FANCI: variants seen among roughly 807,000 people sequenced by gnomAD.
FANCI encodes Fanconi anemia group I protein.
A neutral mutation model predicts 176.1 loss-of-function variants in FANCI; 156 were observed. The ratio of observed to expected loss-of-function variants is 0.89; its 90% CI spans 0.78 to 1.01. FANCI has a LOEUF of 1.01. FANCI is among the 50% of genes least tolerant of loss of function. The probability of loss-of-function intolerance (pLI) is 0.00; values close to 1 mark genes in which losing one functional copy is unlikely to be tolerated. For missense variants in FANCI, 1,678 were observed against 1,534.1 expected (o/e 1.09, Z -1.57); for synonymous variants, 613 against 541.7 (o/e 1.13, Z -1.83).
chr15:89,263,514 G>A, intron 7 of FANCI, 54 bp downstream of exon 7: 2 of 1,437,322 alleles, frequency 1.4e-6, no homozygotes, highest in Non-Finnish European at 9.8e-7. Context: ...GAACTTACTT[G>A]CTAGAAATTA....
intron 17 of FANCI, 69 bp from the exon 18 acceptor site, chr15:89,285,027 G>C (rs892363329): frequency 6.2e-7 from 1 of 1,607,330 alleles, no homozygotes; most frequent in Non-Finnish European, 8.5e-7. Context: ...CAAGAACATA[G>C]GCTCATTTAG....
At chr15:89,290,466 C>T (rs1446407598) in intron 19 of FANCI, 185 bp downstream of exon 19, 2 of 601,334 alleles carry the variant, frequency 3.3e-6, no homozygotes, top group Non-Finnish European at 6.0e-6. Context: ...ACCTGTCTGC[C>T]ATAATACCAT....
chr15:89,309,239 A>G (rs530583674), intron 34 of FANCI, among the ~76,000 whole-genome samples: 1 of 152,300 alleles, frequency 6.6e-6, no homozygotes, highest in Non-Finnish European at 1.5e-5. Context: ...CCATTCGTCA[A>G]ACAAATCTGT....
At chr15:89,253,299 A>T (rs548572555) in intron 2 of FANCI, among the ~76,000 whole-genome samples, 1 of 152,274 alleles carries the variant, frequency 6.6e-6, no homozygotes, top group East Asian at 1.9e-4. Flanking sequence ...TGTGTTTCTC[A>T]TATTCAAGAG....
intron 17 of FANCI, 115 bp downstream of exon 17, chr15:89,283,365 A>C: frequency 6.7e-7 from 1 of 1,482,102 alleles, no homozygotes; most frequent in Non-Finnish European, 9.2e-7. Context: ...CTAGAACTAA[A>C]GAGTCTGATG....
intron 3 of FANCI, chr15:89,259,051 C>T: frequency 2.4e-6 from 1 of 418,762 alleles, no homozygotes; most frequent in Non-Finnish European, 4.5e-6. Context: ...TTTACTTGTG[C>T]TTTTAAGATT....
chr15:89,306,236 C>T (rs1395860442), intron 32 of FANCI, 42 bp downstream of exon 32: 5 of 1,596,778 alleles, frequency 3.1e-6, no homozygotes, highest in Non-Finnish European at 4.3e-6. Context: ...CCATTCTACC[C>T]CAGTGAGCCA....
chr15:89,265,937 C>G (rs183445736), intron 9 of FANCI, among the ~76,000 whole-genome samples: 1 of 151,708 alleles, frequency 6.6e-6, no homozygotes, highest in African/African-American at 2.4e-5. Context: ...ATATGGAAAT[C>G]GAGAGACAAA....
In FANCI at chr15:89,283,401, T is replaced by C. The variant is rs896126120; in HGVS notation, c.1698+151T>C. The C allele has an allele frequency of 2.7e-5, 34 of 1,268,138 alleles. No homozygotes were observed. In the African/African-American group the frequency reaches 3.2e-4, roughly 12 times the overall value. 78.6% of individuals were successfully genotyped at this position (1,268,138 alleles called of 1,614,324 possible). On this transcript the variant is annotated intron_variant, in intron 17 of 37. Coordinates refer to ENST00000310775, the MANE Select transcript of FANCI (RefSeq NM_001113378.2). ...ATGATGATGGTGCTGATGATGATGATGATGATGATATTGGCTAACACTCAT... is the reference window on the plus strand; with the variant it reads ...ATGATGATGGTGCTGATGATGATGACGATGATGATATTGGCTAACACTCAT...
rs957311816 is a variant in FANCI, at chr15:89,260,931, C to G, written c.288+88C>G. ...GGGAAGGAAAACTTAAGTGCCCAAC[C>G]TAGCATAGTCCTTATTTATGAGTAA... On this transcript the variant is annotated intron_variant, in intron 4 of 37. Coordinates refer to ENST00000310775, the MANE Select transcript of FANCI (RefSeq NM_001113378.2). 9.4e-6 allele frequency: 14 copies of G among 1,490,106 alleles called. No individual in the cohort carries two copies. In the East Asian group the frequency reaches 3.3e-4, roughly 35 times the overall value. The allele number at this position is 1,490,106 out of a possible 1,614,324, so 92.3% of individuals were successfully genotyped here.
chr15:89,295,448 C>T (rs775483250), intron 24 of FANCI, among the ~76,000 whole-genome samples: 1 of 151,606 alleles, frequency 6.6e-6, no homozygotes, highest in Admixed American at 6.6e-5. Flanking sequence ...GGTGGATTAC[C>T]TGAGGTTGGG....
At chr15:89,257,666 G>A (rs1294399566) in intron 2 of FANCI, among the ~76,000 whole-genome samples, 2 of 152,150 alleles carry the variant, frequency 1.3e-5, no homozygotes, top group Non-Finnish European at 2.9e-5. Flanking sequence ...TACAAGAAGA[G>A]CCCAATTTCC....
chr15:89,301,026 TAGGCTCC>T (rs1447301991), intron 26 of FANCI, among the ~76,000 whole-genome samples: 2 of 152,246 alleles, frequency 1.3e-5, no homozygotes, highest in East Asian at 3.8e-4. Context: ...GATCAATGGA[TAGGCTCC>T]AGGGAGCTGT....
chr15:89,268,539 TGTAAG>T lies in FANCI; in HGVS notation c.882+17_882+21del, dbSNP rs770550986. Reference sequence around the variant, plus strand: ...AAACACTTAAAGGTAGCATCAAACTTGTAAGGTGATCTGGGTCTCTTTTGAATGAA... The same window carrying T: ...AAACACTTAAAGGTAGCATCAAACTTGTGATCTGGGTCTCTTTTGAATGAA... On this transcript the variant is annotated intron_variant, in intron 10 of 37. Coordinates refer to ENST00000310775, the MANE Select transcript of FANCI (RefSeq NM_001113378.2). The T allele has an allele frequency of 8.7e-6, 14 of 1,613,906 alleles. No homozygotes were observed. Among genetic ancestry groups the T allele is most frequent in the East Asian group, 2.2e-5 (1 of 44,896 alleles).
chr15:89,294,144 C>T, intron 23 of FANCI, 147 bp downstream of exon 23: 2 of 875,706 alleles, frequency 2.3e-6, no homozygotes, highest in South Asian at 1.5e-5. Flanking sequence ...GCTGGACAAT[C>T]CTAGGTAGGT....
intron 10 of FANCI, among the ~76,000 whole-genome samples, chr15:89,269,639 A>G: frequency 6.6e-6 from 1 of 152,120 alleles, no homozygotes; most frequent in East Asian, 1.9e-4. Context: ...AGATACTAAT[A>G]TTTTACACTT....
At chr15:89,305,907 T>A in intron 31 of FANCI, 100 bp from the exon 32 acceptor site, 1 of 1,304,138 alleles carries the variant, frequency 7.7e-7, no homozygotes, top group East Asian at 2.3e-5. Context: ...CGTTTTTCCA[T>A]AAAGACTTTC....
chr15:89,272,699 G>A (rs534502702), intron 10 of FANCI, among the ~76,000 whole-genome samples: 1 of 152,054 alleles, frequency 6.6e-6, no homozygotes, highest in South Asian at 2.1e-4. Flanking sequence ...TGTCTCTCGA[G>A]TCATAAGGAC....
In FANCI at chr15:89,292,974, T is replaced by TATTG; in HGVS notation, c.2203_2206dup (p.Gly736AspfsTer6). ...CAGCAGATTTTTCTCAGAGCACCAGTATTGGCATAAAAAATAATATCTGTG... is the reference window on the plus strand; with the variant it reads ...CAGCAGATTTTTCTCAGAGCACCAGTATTGATTGGCATAAAAAATAATATCTGTG... On this transcript the variant is annotated frameshift_variant, in exon 22 of 38. Transcript: ENST00000310775. LOFTEE classifies it high-confidence loss of function. 6.2e-7 allele frequency: 1 copy of TATTG among 1,614,146 alleles called. No homozygotes were observed.
Sources: gnomAD v4.1 joint callset for allele counts (sites outside exome capture counted in the v4.1 genomes callset) on GRCh38, gnomAD v4.1.1 for gene constraint, MANE v1.5 for transcripts, NCBI Gene and HGNC (gene_info 2026-07-23, HGNC 2026-07-21) for gene names.